The following DNHD1 variants were observed in gnomAD, a reference collection of about 807,000 sequenced individuals.
The protein encoded by DNHD1 is dynein heavy chain domain 1.
A neutral mutation model predicts 458.1 loss-of-function variants in DNHD1; 383 were observed. That is an observed-to-expected ratio of 0.84 (90% CI 0.77 to 0.91). The LOEUF is 0.91. Among genes scored for constraint, DNHD1 ranks in the 40% least tolerant of loss-of-function variants. DNHD1 has a pLI of 0.00. For missense variants in DNHD1, 5,336 were observed against 5,866.1 expected, an observed-to-expected ratio of 0.91 and a Z score of 2.95; for synonymous variants, 2,203 against 2,376.9, an observed-to-expected ratio of 0.93 and a Z score of 2.13.
In DNHD1 at chr11:6,544,125, C is replaced by T. The variant is rs375916001; in HGVS notation, c.3633C>T (p.Tyr1211=). The part of the protein sequence containing the change: ...KDSGTFILSD[Y]SNLQDSIQES... ...GTTCAGCTTTTTCTGTCTTAGATTA[C>T]AGCAACCTGCAGGATTCCATCCAGG... The change falls in exon 19 of 43, where the codon TAC becomes TAT. Residue 1211 remains tyrosine (Y), a synonymous_variant. Coordinates refer to ENST00000254579, the MANE Select transcript of DNHD1 (RefSeq NM_144666.3). 3.3e-4 allele frequency: 513 copies of T among 1,551,574 alleles called. 1 individual carries two copies. The highest frequency in any genetic ancestry group is 4.3e-4 in the Non-Finnish European group (491 of 1,146,904).
chr11:6,543,732 G>A (rs1853147486), intron 18 of DNHD1, among the ~76,000 whole-genome samples: 1 of 152,012 alleles, frequency 6.6e-6, no homozygotes, highest in Admixed American at 6.6e-5. Context: ...GGCTGAGGTG[G>A]GTGGATCACC....
Position 6,539,445 on chromosome 11 carries a change from G to A in DNHD1, c.3420+132G>A, listed in dbSNP as rs938831681. ...GCCTGCTAACCTGCCTGAAGGGCAG[G>A]AACAGTTTCTTTAAGTCTCCAGATG... On this transcript the variant is annotated intron_variant, in intron 17 of 42. Coordinates refer to ENST00000254579, the MANE Select transcript of DNHD1 (RefSeq NM_144666.3). 3 of 686,054 alleles carry A rather than the reference G, an allele frequency of 4.4e-6. No homozygotes were observed. In the African/African-American group the frequency reaches 5.4e-5, roughly 12 times the overall value. The allele number at this position is 686,054 out of a possible 1,614,324, so 42.5% of individuals were successfully genotyped here. A position where few individuals can be genotyped will look rare whatever the true frequency, so the allele number is the denominator to read the frequency against.
chr11:6,547,833 C>G (rs774900168), intron 21 of DNHD1, 30 bp from the exon 22 acceptor site: 1 of 1,549,506 alleles, frequency 6.5e-7, no homozygotes, highest in Admixed American at 2.0e-5. Context: ...TCTACTGGGG[C>G]TCCTCTCGTG....
At chr11:6,530,584 C>T (rs1014238181) in intron 12 of DNHD1, among the ~76,000 whole-genome samples, 1 of 152,180 alleles carries the variant, frequency 6.6e-6, no homozygotes, top group Admixed American at 6.5e-5. Flanking sequence ...CCGTGGCTTC[C>T]CAGGCCTGCT....
rs1051912427 is a variant in DNHD1, at chr11:6,533,911, G to T, written c.2736G>T (p.Trp912Cys). 6.4e-7 allele frequency: 1 copy of T among 1,551,192 alleles called. No individual in the cohort carries two copies. The highest frequency in any genetic ancestry group is 2.0e-5 in the Admixed American group (1 of 50,964). ...TTGCCCCACAGCTTCTGGATATGTG[G>T]GAGGCATTTCAGTTTGAGAAAAGCC... ...PLLAPQLLDM[W>C]EAFQFEKSQA... The change falls in exon 14 of 43, where the codon TGG (tryptophan) becomes TGT (cysteine). Residue 912 changes from tryptophan to cysteine, a missense_variant. Around this residue, in one of 4 missense-constraint regions of DNHD1, gnomAD observed 3,932 missense variants for 4,365.6 expected, o/e 0.90. Transcript: ENST00000254579.
chr11:6,564,882 CATA>C, intron 32 of DNHD1, 78 bp downstream of exon 32: 1 of 1,201,242 alleles, frequency 8.3e-7, no homozygotes, highest in East Asian at 2.6e-5. Context: ...TCTTTCCCTT[CATA>C]ATGAGGACAC....
At chr11:6,531,694 G>C (rs1220225025) in intron 12 of DNHD1, among the ~76,000 whole-genome samples, 1 of 152,070 alleles carries the variant, frequency 6.6e-6, no homozygotes, top group Admixed American at 6.6e-5. Context: ...CTTATTATCA[G>C]GTCTTAGTAC....
At position 6,569,337 on chromosome 11, in the gene DNHD1, G is replaced by A. The variant is rs565743611; in HGVS notation, c.12863+471G>A. Among the ~76,000 whole-genome samples, 6 of 152,260 alleles carry A rather than the reference G, an allele frequency of 3.9e-5. No homozygotes were observed. The South Asian group carries it at 1.2e-3, about 32-fold the overall frequency. The stretch of plus-strand genomic sequence containing the variant: ...TCTGTACTAAAAATACAAAAACTTA[G>A]CCAGGCATGGTGGCAGGTGCCTGTA... On this transcript the variant is annotated intron_variant, in intron 39 of 42. Transcript: ENST00000254579.
chr11:6,533,718 A>C lies in DNHD1; in HGVS notation c.2543A>C (p.Glu848Ala). 1 of 1,551,218 alleles carries C rather than the reference A, an allele frequency of 6.4e-7. No homozygotes were observed. Among genetic ancestry groups the C allele is most frequent in the Non-Finnish European group, 8.7e-7 (1 of 1,146,764 alleles). ...EANEQYVELE[E>A]RMEYVRALHE... ...AATGAACAGTACGTCGAGCTGGAGG[A>C]GCGAATGGAATACGTACGGGCACTC... is the stretch of plus-strand genomic sequence containing the variant. Residue 848 changes from glutamate (E) to alanine (A), a missense_variant, in exon 14 of 43, where the codon GAG (glutamate) becomes GCG (alanine). Transcript: ENST00000254579.
At chr11:6,522,142 T>C (rs1852616722) in intron 10 of DNHD1, among the ~76,000 whole-genome samples, 2 of 152,236 alleles carry the variant, frequency 1.3e-5, no homozygotes, top group African/African-American at 4.8e-5. Context: ...ATGTCTTCTT[T>C]TGAAAAGTGT....
In DNHD1 at chr11:6,528,600, T is replaced by C; in HGVS notation, c.1916T>C (p.Ile639Thr). The change falls in exon 11 of 43, where the codon ATC becomes ACC. Residue 639 changes from isoleucine to threonine, a missense_variant. By Grantham distance (89) the Ile-to-Thr change is moderately conservative. This residue lies in a region of DNHD1 where 3,932 missense variants were observed against 4,365.6 expected (regional missense o/e 0.90). Coordinates refer to ENST00000254579, the MANE Select transcript of DNHD1 (RefSeq NM_144666.3). ...FQGQPSDAVS[I>T]FCGPNVGLVW... ...GGCCAGCCCAGCGATGCTGTGAGCA[T>C]CTTCTGTGGCCCGAATGTGGGATTG... The C allele has an allele frequency of 6.4e-7, 1 of 1,551,708 alleles. No individual in the cohort carries two copies. Among genetic ancestry groups the C allele is most frequent in the Non-Finnish European group, 8.7e-7 (1 of 1,146,984 alleles).
rs1287189595 is a variant in DNHD1, at chr11:6,533,693, A to G, written c.2518A>G (p.Asn840Asp). 1.9e-6 allele frequency: 3 copies of G among 1,548,402 alleles called. No individual in the cohort carries two copies. Among genetic ancestry groups the G allele is most frequent in the Non-Finnish European group, 8.7e-7 (1 of 1,144,680 alleles). The change falls in exon 14 of 43, where the codon AAT becomes GAT. Residue 840 changes from asparagine (N) to aspartate (D), a missense_variant. Coordinates refer to ENST00000254579, the MANE Select transcript of DNHD1 (RefSeq NM_144666.3). ...GTAATTCCTGCAGTTGAATGAAGCC[A>G]ATGAACAGTACGTCGAGCTGGAGGA... ...AQCTQKLNEA[N>D]EQYVELEERM...
rs1203277400 is a variant in DNHD1, at chr11:6,546,606, T to A, written c.5667T>A (p.Asn1889Lys). The A allele has an allele frequency of 8.4e-6, 13 of 1,551,782 alleles. No homozygotes were observed. The highest frequency in any genetic ancestry group is 1.0e-5 in the Non-Finnish European group (12 of 1,147,010). Reference sequence around the variant, plus strand: ...TGGAAGACACAATACGGACACTAAATGTGACCAAGGAGGAACCGAAGTGCC... The same window carrying A: ...TGGAAGACACAATACGGACACTAAAAGTGACCAAGGAGGAACCGAAGTGCC... ...QILEDTIRTL[N>K]VTKEEPKCQK... Residue 1889 changes from asparagine (N) to lysine (K), a missense_variant, in exon 21 of 43, where the codon AAT (asparagine) becomes AAA (lysine). Physicochemically the swap from Asn to Lys is moderately conservative, Grantham distance 94. Transcript: ENST00000254579.
At chr11:6,520,716 A>G (rs1181060945) in intron 10 of DNHD1, 1 of 1,013,698 alleles carries the variant, frequency 9.9e-7, no homozygotes. Flanking sequence ...ATATGGATTA[A>G]TTCATTGTAT....
chr11:6,499,712 C>T (rs1265029954), intron 3 of DNHD1, among the ~76,000 whole-genome samples: 1 of 151,970 alleles, frequency 6.6e-6, no homozygotes, highest in Non-Finnish European at 1.5e-5. Context: ...GGACTACAGG[C>T]ACGTGCCACC....
In DNHD1 at chr11:6,567,610, C is replaced by T. The variant is rs1853737411; in HGVS notation, c.12101C>T (p.Pro4034Leu). 1 of 1,613,638 alleles carries T rather than the reference C, an allele frequency of 6.2e-7. No homozygotes were observed. The highest frequency in any genetic ancestry group is 2.2e-5 in the East Asian group (1 of 44,900). Reference protein sequence around the residue: ...LGPAPGPGPEPLSLLQKLILW... With the variant: ...LGPAPGPGPELLSLLQKLILW... Reference sequence around the variant, plus strand: ...CCTGCACCTGGGCCAGGGCCTGAGCCACTCAGCCTCCTCCAGAAGCTGATC... The same window carrying T: ...CCTGCACCTGGGCCAGGGCCTGAGCTACTCAGCCTCCTCCAGAAGCTGATC... The change falls in exon 36 of 43, where the codon CCA becomes CTA. Residue 4034 changes from proline (P) to leucine (L), a missense_variant. Pro to Leu is a moderately conservative substitution (Grantham distance 98). Around this residue, in one of 4 missense-constraint regions of DNHD1, gnomAD observed 695 missense variants for 804.2 expected, o/e 0.86. Transcript: ENST00000254579.
chr11:6,547,032 G>A lies in DNHD1; in HGVS notation c.6093G>A (p.Leu2031=). ...GCCAGCCTGTGGAAATTACCCACCTGTACCCCAGTGGCCTCAGCCCCCAGG... is the reference window on the plus strand; with the variant it reads ...GCCAGCCTGTGGAAATTACCCACCTATACCCCAGTGGCCTCAGCCCCCAGG... ...QGCQPVEITH[L]YPSGLSPQEF... Residue 2031 remains leucine (L), a synonymous_variant, in exon 21 of 43, where the codon CTG becomes CTA. Coordinates refer to ENST00000254579, the MANE Select transcript of DNHD1 (RefSeq NM_144666.3). The A allele has an allele frequency of 6.4e-7, 1 of 1,551,692 alleles. No homozygotes were observed. Among genetic ancestry groups the A allele is most frequent in the Non-Finnish European group, 8.7e-7 (1 of 1,146,986 alleles).
At position 6,564,121 on chromosome 11, in the gene DNHD1, C is replaced by A. The variant is rs923132985; in HGVS notation, c.10281C>A (p.Leu3427=). ...CTATGCGTGCCTGGACTACACAGCT[C>A]CAGGTAACCATCCCCCTCCCAGATG... is the stretch of plus-strand genomic sequence containing the variant. The part of the protein sequence containing the change: ...LTPMRAWTTQ[L]QKLKGRCMTV... Residue 3427 remains leucine, a synonymous_variant, in exon 31 of 43, where the codon CTC becomes CTA. Coordinates refer to ENST00000254579, the MANE Select transcript of DNHD1 (RefSeq NM_144666.3). 2.6e-6 allele frequency: 4 copies of A among 1,547,096 alleles called. No individual in the cohort carries two copies. The highest frequency in any genetic ancestry group is 3.5e-6 in the Non-Finnish European group (4 of 1,143,588).
chr11:6,555,279 T>A (rs962202528), intron 24 of DNHD1, among the ~76,000 whole-genome samples: 6 of 151,946 alleles, frequency 3.9e-5, no homozygotes, highest in Non-Finnish European at 8.8e-5. Flanking sequence ...TCAGGTGACA[T>A]GAGGATGGAG....
Sources: allele counts gnomAD v4.1 joint callset (sites outside exome capture counted in the v4.1 genomes callset), GRCh38; gene constraint gnomAD v4.1.1; regional missense constraint gnomAD v4.1.1; transcripts MANE v1.5; gene names NCBI Gene and HGNC (gene_info 2026-07-23, HGNC 2026-07-21).